The following AKTIP variants were observed in gnomAD, a reference collection of about 807,000 sequenced individuals.
AKTIP encodes AKT interacting protein, also known as AKT-interacting protein.
AKTIP carries 16 observed loss-of-function variants against 39.1 expected under a neutral mutation model. That is an observed-to-expected ratio of 0.41 (90% confidence interval 0.28 to 0.62). AKTIP has a LOEUF of 0.62. Ranked by LOEUF, AKTIP falls within the 20% of genes least tolerant of loss-of-function variation. AKTIP has a pLI of 0.32. For missense variants in AKTIP, 262 were observed against 356.6 expected (o/e 0.73, Z 2.14); for synonymous variants, 93 against 124.3 (o/e 0.75, Z 1.67).
At chr16:53,492,960 CA>C in intron 8 of AKTIP, 1 of 549,006 alleles carries the variant, frequency 1.8e-6, no homozygotes, top group South Asian at 2.2e-5. Flanking sequence ...AGCCTCACAC[CA>C]CCCCTTGAAG....
upstream of AKTIP, among the ~76,000 whole-genome samples, chr16:53,504,106 T>G (rs2150880982): frequency 6.7e-6 from 1 of 148,346 alleles, no homozygotes; most frequent in South Asian, 2.1e-4. Context: ...TTTTTTTTTT[T>G]TTTAATTCAC....
chr16:53,503,700 C>G (rs1245543698), upstream of AKTIP, among the ~76,000 whole-genome samples: 2 of 152,340 alleles, frequency 1.3e-5, no homozygotes, highest in Middle Eastern at 3.4e-3. Context: ...CCGGGCCGCG[C>G]GACTGCCCAG....
At position 53,495,466 on chromosome 16, in the gene AKTIP, A is replaced by C. The variant is rs541232804; in HGVS notation, c.249-140T>G. 4 of 734,886 alleles carry C rather than the reference A, an allele frequency of 5.4e-6. No homozygotes were observed. The Admixed American group carries it at 6.7e-5, about 12-fold the overall frequency. 45.5% of individuals were successfully genotyped at this position (734,886 alleles called of 1,614,324 possible). On this transcript the variant is annotated intron_variant, in intron 3 of 9. Coordinates refer to ENST00000394657, the MANE Select transcript of AKTIP (RefSeq NM_022476.4). ...AAACCCTGCAAGCCAAGTTCTCACA[A>C]TCTCTCACCTGACACAACTCAGGAA...
intron 3 of AKTIP, among the ~76,000 whole-genome samples, chr16:53,496,499 C>CT (rs576422100): frequency 0.096 from 7,544 of 78,558 alleles, 246 homozygotes; most frequent in Non-Finnish European, 0.11. Context: ...GTCAAGGATG[C>CT]TTTTTTTTTT....
chr16:53,494,987 G>A, intron 5 of AKTIP, 86 bp downstream of exon 5: 8 of 1,220,992 alleles, frequency 6.6e-6, no homozygotes, highest in Non-Finnish European at 8.5e-6. Flanking sequence ...AAGGTACCAG[G>A]TCAGGAAAAG....
chr16:53,494,541 A>C lies in AKTIP; in HGVS notation c.479T>G (p.Val160Gly). The change falls in exon 6 of 10, where the codon GTG becomes GGG. Residue 160 changes from valine (V) to glycine (G), a missense_variant. By Grantham distance (109) the Val-to-Gly change is moderately radical (BLOSUM62 -3). Coordinates refer to ENST00000394657, the MANE Select transcript of AKTIP (RefSeq NM_022476.4). Reference protein sequence around the residue: ...LVDPTSGELDVKRAFAKWRRN... With the variant: ...LVDPTSGELDGKRAFAKWRRN... ...CCTCCATTTTGCAAATGCTCTCTTCACATCCAGCTCACCTGAGGTGGGATC... is the reference window on the plus strand; with the variant it reads ...CCTCCATTTTGCAAATGCTCTCTTCCCATCCAGCTCACCTGAGGTGGGATC... The C allele has an allele frequency of 6.2e-7, 1 of 1,614,194 alleles. No homozygotes were observed. Among genetic ancestry groups the C allele is most frequent in the East Asian group, 2.2e-5 (1 of 44,886 alleles).
intron 5 of AKTIP, 151 bp from the exon 6 acceptor site, chr16:53,494,756 A>G (rs1423838331): frequency 4.9e-6 from 4 of 811,592 alleles, no homozygotes. Context: ...AACTACTTTT[A>G]CCATTTTCCT....
chr16:53,494,819 G>C (rs1269839966), intron 5 of AKTIP: 1 of 710,272 alleles, frequency 1.4e-6, no homozygotes, highest in Non-Finnish European at 2.5e-6. Context: ...CTCCACTAGA[G>C]CCTGAGGGCC....
At position 53,494,180 on chromosome 16, in the gene AKTIP, C is replaced by T. The variant is rs528168629; in HGVS notation, c.668G>A (p.Arg223His). Reference sequence around the variant, plus strand: ...TTCTATTTTAGGTTGGTCAAACAAACGAGCAGTGCACACCTTAACACTGTC... The same window carrying T: ...TTCTATTTTAGGTTGGTCAAACAAATGAGCAGTGCACACCTTAACACTGTC... ...VVDSVKVCTA[R>H]LFDQPKIEDP... Residue 223 changes from arginine to histidine, a missense_variant, in exon 8 of 10, where the codon CGT becomes CAT. Arg to His is a conservative substitution (Grantham distance 29, BLOSUM62 0). Around this residue, in one of 4 missense-constraint regions of AKTIP, gnomAD observed 145 missense variants for 159.3 expected, o/e 0.91. Transcript: ENST00000394657. 30 of 1,614,150 alleles carry T rather than the reference C, an allele frequency of 1.9e-5. No individual in the cohort carries two copies. Among genetic ancestry groups the T allele is most frequent in the African/African-American group, 1.5e-4 (11 of 75,038 alleles).
In AKTIP at chr16:53,491,114, A is replaced by C. The variant is rs1961417662; in HGVS notation, c.*1298T>G. 1 of 152,590 alleles carries C rather than the reference A, an allele frequency of 6.6e-6. No individual in the cohort carries two copies. The highest frequency in any genetic ancestry group is 2.1e-4 in the South Asian group (1 of 4,834). The allele number at this position is 152,590 out of a possible 1,614,324, so 9.5% of individuals were successfully genotyped here. On this transcript the variant is annotated 3_prime_UTR_variant, in exon 10 of 10. Transcript: ENST00000394657. ...AAACCCCTATAGCCACCTTTTGGGA[A>C]TGTTTTAAATTCTCCAGTTTTTTGT... is the stretch of plus-strand genomic sequence containing the variant.
rs1441916993 is a variant in AKTIP at position 53,492,338 on chromosome 16, C to T, written c.*74G>A. On this transcript the variant is annotated 3_prime_UTR_variant, in exon 10 of 10. Transcript: ENST00000394657. Reference sequence around the variant, plus strand: ...CACACAGTTTTACTCTTCAGGCAGTCCTCTGCCATTGGTCAGCTTGAACTA... The same window carrying T: ...CACACAGTTTTACTCTTCAGGCAGTTCTCTGCCATTGGTCAGCTTGAACTA... 1.8e-5 allele frequency: 23 copies of T among 1,267,822 alleles called. No individual in the cohort carries two copies. The highest frequency in any genetic ancestry group is 9.1e-6 in the Non-Finnish European group (8 of 875,540). 78.5% of individuals were successfully genotyped at this position (1,267,822 alleles called of 1,614,324 possible). A position where few individuals can be genotyped will look rare whatever the true frequency, so the allele number is the denominator to read the frequency against.
chr16:53,492,878 C>T lies in AKTIP; in HGVS notation c.711-125G>A, dbSNP rs1961579456. 5.2e-6 allele frequency: 4 copies of T among 776,566 alleles called. No individual in the cohort carries two copies. In the African/African-American group the frequency reaches 5.3e-5, roughly 10 times the overall value. 48.1% of individuals were successfully genotyped at this position (776,566 alleles called of 1,614,324 possible). On this transcript the variant is annotated intron_variant, in intron 8 of 9. Transcript: ENST00000394657. ...GCACAGTATTTTTTATTGTTGTCGA[C>T]ATGTATGTTTTAGACATTATCTAAT...
At chr16:53,503,515 C>A (rs977983926), upstream of AKTIP, among the ~76,000 whole-genome samples, 3 of 152,204 alleles carry the variant, frequency 2.0e-5, no homozygotes, top group Admixed American at 2.0e-4. Flanking sequence ...AAGTATCGGC[C>A]CCCCGGGGAG....
intron 3 of AKTIP, among the ~76,000 whole-genome samples, chr16:53,497,864 T>C (rs1173562097): frequency 1.3e-5 from 2 of 152,228 alleles, no homozygotes; most frequent in African/African-American, 4.8e-5. Context: ...ATTCTCTGCC[T>C]CAGCCTCCCG....
At chr16:53,492,935 G>GA in intron 8 of AKTIP, 182 bp from the exon 9 acceptor site, 1 of 590,350 alleles carries the variant, frequency 1.7e-6, no homozygotes, top group Non-Finnish European at 3.0e-6. Flanking sequence ...CCTCATACAT[G>GA]AATGATCTCA....
rs935313689 is a variant in AKTIP at position 53,494,246 on chromosome 16, CTG to C, written c.603-3_603-2del. 3.7e-6 allele frequency: 6 copies of C among 1,613,656 alleles called. No individual in the cohort carries two copies. Among genetic ancestry groups the C allele is most frequent in the Non-Finnish European group, 5.1e-6 (6 of 1,179,596 alleles). ...AAAAAGCTGAATATCTTTTTCATACCTGTGTTAAAAGTTTAAGTCAAAAAGTT... is the reference window on the plus strand; with the variant it reads ...AAAAAGCTGAATATCTTTTTCATACCTGTTAAAAGTTTAAGTCAAAAAGTT... On this transcript the variant is annotated splice_acceptor_variant and splice_polypyrimidine_tract_variant and intron_variant, in intron 7 of 9. Coordinates refer to ENST00000394657, the MANE Select transcript of AKTIP (RefSeq NM_022476.4). LOFTEE classifies it high-confidence loss of function.
At chr16:53,494,756 AC>A (rs1961723704) in intron 5 of AKTIP, 151 bp from the exon 6 acceptor site, 6 of 811,710 alleles carry the variant, frequency 7.4e-6, no homozygotes, top group Admixed American at 5.2e-5. Context: ...AACTACTTTT[AC>A]CATTTTCCTG....
chr16:53,502,522 C>T (rs1002300983), intron 1 of AKTIP, among the ~76,000 whole-genome samples: 9 of 152,224 alleles, frequency 5.9e-5, no homozygotes, highest in African/African-American at 2.2e-4. Context: ...CACATCACCC[C>T]GAATCGGACT....
At position 53,503,141 on chromosome 16, in the gene AKTIP, C is replaced by T. The variant is rs1447071427; in HGVS notation, c.-71+6G>A. ...ACCCACCAGCCTGCCGGGCAGTAAG[C>T]CTCACCCCAGTGCCTTCAATGCAGA... is the stretch of plus-strand genomic sequence containing the variant. On this transcript the variant is annotated splice_donor_region_variant and intron_variant, in intron 1 of 9. Coordinates refer to ENST00000394657, the MANE Select transcript of AKTIP (RefSeq NM_022476.4). 4 of 152,874 alleles carry T rather than the reference C, an allele frequency of 2.6e-5. No individual in the cohort carries two copies. The highest frequency in any genetic ancestry group is 6.5e-5 in the Admixed American group (1 of 15,286). The allele number at this position is 152,874 out of a possible 1,614,324, so 9.5% of individuals were successfully genotyped here. A position where few individuals can be genotyped will look rare whatever the true frequency, so the allele number is the denominator to read the frequency against.
Sources: allele counts gnomAD v4.1 joint callset (sites outside exome capture counted in the v4.1 genomes callset), GRCh38; gene constraint gnomAD v4.1.1; regional missense constraint gnomAD v4.1.1; transcripts MANE v1.5; gene names NCBI Gene and HGNC (gene_info 2026-07-23, HGNC 2026-07-21).